ICOS: variants seen among roughly 807,000 people sequenced by gnomAD.
ICOS encodes inducible T-cell costimulator.
ICOS carries 15 observed loss-of-function variants against 24.6 expected under a neutral mutation model. The ratio of observed to expected loss-of-function variants is 0.61; its 90% CI spans 0.41 to 0.94. ICOS has a LOEUF of 0.94. Among genes scored for constraint, ICOS ranks in the 40% least tolerant of loss-of-function variants. The probability of loss-of-function intolerance (pLI) is 0.00; values close to 1 mark genes in which losing one functional copy is unlikely to be tolerated. For synonymous variants in ICOS, 89 were observed against 77.5 expected, an observed-to-expected ratio of 1.15 and a Z score of -0.78; for missense variants, 200 against 233.0, an observed-to-expected ratio of 0.86 and a Z score of 0.92.
At chr2:203,956,830 C>A in intron 3 of ICOS, 65 bp downstream of exon 3, 1 of 1,048,776 alleles carries the variant, frequency 9.5e-7, no homozygotes, top group Non-Finnish European at 1.5e-6. Context: ...ATTTCCTCAT[C>A]AAAAGTACAC....
At chr2:203,942,458 CAA>C (rs1414911884) in intron 1 of ICOS, among the ~76,000 whole-genome samples, 2 of 152,154 alleles carry the variant, frequency 1.3e-5, no homozygotes, top group Non-Finnish European at 2.9e-5. Flanking sequence ...AACCCAGGTA[CAA>C]TGACAGCCCA....
chr2:203,937,457 T>C (rs1425610941), intron 1 of ICOS, among the ~76,000 whole-genome samples: 1 of 152,142 alleles, frequency 6.6e-6, no homozygotes, highest in East Asian at 1.9e-4. Context: ...ACAAAAAAGA[T>C]CATTCTGGAG....
Position 203,959,443 on chromosome 2 carries a change from GGT to G in ICOS, c.587-133_587-132del, listed in dbSNP as rs1363440875. 48 of 725,844 alleles carry G rather than the reference GGT, an allele frequency of 6.6e-5. No homozygotes were observed. The East Asian group carries it at 1.0e-3, about 15-fold the overall frequency. The allele number at this position is 725,844 out of a possible 1,614,324, so 45.0% of individuals were successfully genotyped here. The stretch of plus-strand genomic sequence containing the variant: ...TTGAAGCATAAAGATGAGTTTGCAT[GGT>G]GTGTGTGTGAGTGTGTGTGTGTGTG... On this transcript the variant is annotated intron_variant, in intron 4 of 4. Coordinates refer to ENST00000316386, the MANE Select transcript of ICOS (RefSeq NM_012092.4).
intron 1 of ICOS, among the ~76,000 whole-genome samples, chr2:203,939,064 T>A (rs1689717415): frequency 6.6e-6 from 1 of 152,254 alleles, no homozygotes; most frequent in African/African-American, 2.4e-5. Context: ...TACATAGGCT[T>A]TCTCATGCCA....
intron 1 of ICOS, among the ~76,000 whole-genome samples, chr2:203,950,613 T>A (rs548370596): frequency 1.3e-5 from 2 of 152,342 alleles, no homozygotes; most frequent in African/African-American, 4.8e-5. Flanking sequence ...GTTAAAAACA[T>A]TCGAACTGCA....
chr2:203,955,601 G>C, intron 1 of ICOS, 35 bp from the exon 2 acceptor site: 1 of 1,514,084 alleles, frequency 6.6e-7, no homozygotes, highest in South Asian at 1.1e-5. Context: ...ATTATAAAAT[G>C]TCACTTTTGC....
chr2:203,943,700 G>A (rs1465396629), intron 1 of ICOS, among the ~76,000 whole-genome samples: 4 of 152,118 alleles, frequency 2.6e-5, no homozygotes, highest in Non-Finnish European at 5.9e-5. Context: ...CTGGTGGTGG[G>A]TGGGGCCCTA....
At position 203,957,365 on chromosome 2, in the gene ICOS, C is replaced by A. The variant is rs141052949; in HGVS notation, c.502-434C>A. On this transcript the variant is annotated intron_variant, in intron 3 of 4. Coordinates refer to ENST00000316386, the MANE Select transcript of ICOS (RefSeq NM_012092.4). ...AACAATGACAACAACAAAAATCTCC[C>A]TGTGCTGGGGGATATTCTTTTTGGT... is the stretch of plus-strand genomic sequence containing the variant. Among the ~76,000 whole-genome samples, 92 of 152,264 alleles carry A rather than the reference C, an allele frequency of 6.0e-4. 1 individual carries two copies. Among genetic ancestry groups the A allele is most frequent in the South Asian group, 2.5e-3 (12 of 4,808 alleles).
intron 1 of ICOS, among the ~76,000 whole-genome samples, chr2:203,948,243 A>G (rs1689906941): frequency 6.6e-6 from 1 of 152,184 alleles, no homozygotes; most frequent in African/African-American, 2.4e-5. Context: ...ATCTTCATAC[A>G]CTTGTTTCCA....
intron 1 of ICOS, among the ~76,000 whole-genome samples, chr2:203,947,259 A>T (rs1376182716): frequency 6.6e-6 from 1 of 152,118 alleles, no homozygotes; most frequent in Non-Finnish European, 1.5e-5. Context: ...TTTTTATTTT[A>T]CTCTTGAAAA....
At chr2:203,947,707 C>T (rs146265446) in intron 1 of ICOS, among the ~76,000 whole-genome samples, 3 of 152,232 alleles carry the variant, frequency 2.0e-5, no homozygotes, top group East Asian at 3.9e-4. Flanking sequence ...AAATATAGTA[C>T]CTGTTCTCCA....
rs1690159600 is a variant in ICOS, at chr2:203,960,533, T to C, written c.*934T>C. On this transcript the variant is annotated 3_prime_UTR_variant, in exon 5 of 5. Transcript: ENST00000316386. ...ATCCTATTTTCTACCATTATCTATG[T>C]TTTCATGGTGCTATTAATTACAAGT... is the stretch of plus-strand genomic sequence containing the variant. 1 of 152,212 alleles carries C rather than the reference T, an allele frequency of 6.6e-6. No individual in the cohort carries two copies. The highest frequency in any genetic ancestry group is 2.4e-5 in the African/African-American group (1 of 41,460). The allele number at this position is 152,212 out of a possible 1,614,324, so 9.4% of individuals were successfully genotyped here.
chr2:203,955,907 C>T lies in ICOS; in HGVS notation c.330C>T (p.Asn110=), dbSNP rs573735760. The T allele has an allele frequency of 6.2e-7, 1 of 1,613,232 alleles. No individual in the cohort carries two copies. The highest frequency in any genetic ancestry group is 1.3e-5 in the African/African-American group (1 of 75,000). ...CTCATGCCAACTATTACTTCTGCAA[C>T]CTATCAATTTTTGATCCTCCTCCTT... ...DHSHANYYFC[N]LSIFDPPPFK... The change falls in exon 2 of 5, where the codon AAC becomes AAT. Residue 110 remains asparagine (N), a synonymous_variant. Transcript: ENST00000316386.
intron 1 of ICOS, among the ~76,000 whole-genome samples, chr2:203,954,589 T>TGAAAA (rs370182633): frequency 0.03 from 4,557 of 151,522 alleles, 220 homozygotes; most frequent in African/African-American, 0.1. Flanking sequence ...CCCTTTTCTC[T>TGAAAA]GAAAAGAAAA....
rs372256111 is a variant in ICOS at position 203,955,865 on chromosome 2, A to G, written c.288A>G (p.Leu96=). The change falls in exon 2 of 5, where the codon CTA becomes CTG. Residue 96 remains leucine, a synonymous_variant. Coordinates refer to ENST00000316386, the MANE Select transcript of ICOS (RefSeq NM_012092.4). ...QLSNNSVSFF[L]YNLDHSHANY... ...CCAACAACAGTGTCTCTTTTTTTCT[A>G]TACAACTTGGACCATTCTCATGCCA... 1 of 1,613,702 alleles carries G rather than the reference A, an allele frequency of 6.2e-7. No individual in the cohort carries two copies. Among genetic ancestry groups the G allele is most frequent in the Non-Finnish European group, 8.5e-7 (1 of 1,179,712 alleles).
At position 203,955,884 on chromosome 2, in the gene ICOS, C is replaced by T. The variant is rs1004218488; in HGVS notation, c.307C>T (p.His103Tyr). The change falls in exon 2 of 5, where the codon CAT becomes TAT. Residue 103 changes from histidine (H) to tyrosine (Y), a missense_variant. Coordinates refer to ENST00000316386, the MANE Select transcript of ICOS (RefSeq NM_012092.4). ...SFFLYNLDHS[H>Y]ANYYFCNLSI... ...TTTTCTATACAACTTGGACCATTCT[C>T]ATGCCAACTATTACTTCTGCAACCT... 1.2e-6 allele frequency: 2 copies of T among 1,613,678 alleles called. No homozygotes were observed. Among genetic ancestry groups the T allele is most frequent in the Non-Finnish European group, 8.5e-7 (1 of 1,179,708 alleles).
intron 4 of ICOS, among the ~76,000 whole-genome samples, chr2:203,959,081 C>G (rs896847605): frequency 6.6e-6 from 1 of 152,186 alleles, no homozygotes; most frequent in Non-Finnish European, 1.5e-5. Context: ...TGTACAGATG[C>G]CTCCCAGAAT....
At chr2:203,958,683 C>T (rs938719968) in intron 4 of ICOS, among the ~76,000 whole-genome samples, 1 of 152,056 alleles carries the variant, frequency 6.6e-6, no homozygotes, top group Non-Finnish European at 1.5e-5. Flanking sequence ...GGGATGGGAG[C>T]TAAAAAGGAT....
At position 203,955,670 on chromosome 2, in the gene ICOS, T is replaced by C. The variant is rs147754976; in HGVS notation, c.93T>C (p.Phe31=). ...EINGSANYEM[F]IFHNGGVQIL... ...ATGGTTCTGCCAATTATGAGATGTT[T>C]ATATTTCACAACGGAGGTGTACAAA... The change falls in exon 2 of 5, where the codon TTT becomes TTC. Residue 31 remains phenylalanine, a synonymous_variant. Coordinates refer to ENST00000316386, the MANE Select transcript of ICOS (RefSeq NM_012092.4). 115 of 1,613,546 alleles carry C rather than the reference T, an allele frequency of 7.1e-5. No individual in the cohort carries two copies. Among genetic ancestry groups the C allele is most frequent in the Middle Eastern group, 3.3e-4 (2 of 6,056 alleles).
Sources: gnomAD v4.1 joint callset for allele counts (sites outside exome capture counted in the v4.1 genomes callset) on GRCh38, gnomAD v4.1.1 for gene constraint, MANE v1.5 for transcripts, NCBI Gene and HGNC (gene_info 2026-07-23, HGNC 2026-07-21) for gene names.